Variants in RSPO2 observed in about 807,000 individuals in gnomAD.
RSPO2 encodes R-spondin 2.
In RSPO2, 14 loss-of-function variants were observed where a neutral mutation model predicts 30.9. That is an observed-to-expected ratio of 0.45 (90% CI 0.30 to 0.71). The LOEUF is 0.71. Ranked by LOEUF, RSPO2 falls within the 30% of genes least tolerant of loss-of-function variation. RSPO2 has a pLI of 0.08. For synonymous variants in RSPO2, 107 were observed against 96.4 expected, an observed-to-expected ratio of 1.11 and a Z score of -0.64; for missense variants, 264 against 301.9, an observed-to-expected ratio of 0.87 and a Z score of 0.93.
chr8:107,926,341 T>G (rs1053549368), intron 5 of RSPO2, among the ~76,000 whole-genome samples: 2 of 152,112 alleles, frequency 1.3e-5, no homozygotes, highest in African/African-American at 4.8e-5. Context: ...TTTTCTCCTA[T>G]TCTGTAGGTT....
At chr8:107,988,131 A>G (rs575397674) in intron 3 of RSPO2, among the ~76,000 whole-genome samples, 3 of 152,124 alleles carry the variant, frequency 2.0e-5, no homozygotes, top group Non-Finnish European at 2.9e-5. Flanking sequence ...CTCATTCTGT[A>G]AGTGATTTTT....
chr8:108,014,978 T>C (rs928467284), intron 2 of RSPO2, among the ~76,000 whole-genome samples: 1 of 151,730 alleles, frequency 6.6e-6, no homozygotes, highest in African/African-American at 2.4e-5. Context: ...CTGGAAAAAC[T>C]AAGGGCCATA....
At chr8:107,920,415 C>T (rs1812122183) in intron 5 of RSPO2, among the ~76,000 whole-genome samples, 1 of 151,986 alleles carries the variant, frequency 6.6e-6, no homozygotes, top group African/African-American at 2.4e-5. Flanking sequence ...ATAATGCCAA[C>T]TCCAAAAAAA....
chr8:108,001,077 A>T (rs932290561), intron 2 of RSPO2, among the ~76,000 whole-genome samples: 3 of 152,138 alleles, frequency 2.0e-5, no homozygotes, highest in Non-Finnish European at 4.4e-5. Flanking sequence ...CTGTAGTCCC[A>T]GCTACTCAGG....
chr8:107,958,832 A>G (rs1375965547), intron 4 of RSPO2, among the ~76,000 whole-genome samples: 1 of 152,230 alleles, frequency 6.6e-6, no homozygotes. Context: ...TTTGCTGAGC[A>G]TAATGGCTTC....
At chr8:108,051,602 T>C (rs557996287) in intron 2 of RSPO2, among the ~76,000 whole-genome samples, 2 of 152,304 alleles carry the variant, frequency 1.3e-5, no homozygotes, top group African/African-American at 2.4e-5. Flanking sequence ...TAAGACATTG[T>C]GAAAGGACAA....
intron 5 of RSPO2, among the ~76,000 whole-genome samples, chr8:107,906,727 T>C (rs978654209): frequency 6.6e-6 from 1 of 152,016 alleles, no homozygotes; most frequent in Non-Finnish European, 1.5e-5. Flanking sequence ...CTATGTCCTA[T>C]GTAGCCTAAG....
intron 2 of RSPO2, among the ~76,000 whole-genome samples, chr8:108,077,320 TGAA>T (rs1228101174): frequency 6.6e-6 from 1 of 151,842 alleles, no homozygotes; most frequent in Non-Finnish European, 1.5e-5. Flanking sequence ...GAAAGCAGTG[TGAA>T]GAAGGAGGGA....
chr8:108,002,820 A>C (rs1284836285), intron 2 of RSPO2, among the ~76,000 whole-genome samples: 1 of 152,214 alleles, frequency 6.6e-6, no homozygotes, highest in Non-Finnish European at 1.5e-5. Context: ...CTTGTTAACT[A>C]CACTATTTAG....
intron 3 of RSPO2, among the ~76,000 whole-genome samples, chr8:107,981,428 C>T (rs1442367744): frequency 1.3e-5 from 2 of 151,624 alleles, no homozygotes; most frequent in South Asian, 2.1e-4. Context: ...CACTGAGGCA[C>T]GAGAATTACT....
chr8:108,037,444 T>C (rs1462722930), intron 2 of RSPO2, among the ~76,000 whole-genome samples: 2 of 152,132 alleles, frequency 1.3e-5, no homozygotes, highest in Non-Finnish European at 2.9e-5. Context: ...GTTCATGAGG[T>C]TTAAGGAAAG....
At chr8:107,956,319 A>T (rs983097750) in intron 5 of RSPO2, among the ~76,000 whole-genome samples, 1 of 152,250 alleles carries the variant, frequency 6.6e-6, no homozygotes, top group Non-Finnish European at 1.5e-5. Flanking sequence ...TTAGAGCTAT[A>T]GCTAGTCTTT....
intron 2 of RSPO2, among the ~76,000 whole-genome samples, chr8:108,053,551 G>T (rs1412650950): frequency 6.6e-6 from 1 of 152,050 alleles, no homozygotes; most frequent in African/African-American, 2.4e-5. Context: ...AATAAAAGCA[G>T]ACATTACTTC....
chr8:108,004,700 T>C (rs1815391908), intron 2 of RSPO2, among the ~76,000 whole-genome samples: 1 of 152,236 alleles, frequency 6.6e-6, no homozygotes, highest in Admixed American at 6.5e-5. Flanking sequence ...GATATGTATA[T>C]AGACATGTAG....
chr8:108,058,918 C>T (rs1812353356), intron 2 of RSPO2, among the ~76,000 whole-genome samples: 1 of 151,586 alleles, frequency 6.6e-6, no homozygotes, highest in Admixed American at 6.6e-5. Flanking sequence ...TAGGCATTAC[C>T]ATTCAGGACA....
Position 108,019,414 on chromosome 8 carries a change from A to T in RSPO2, c.95-30170T>A, listed in dbSNP as rs1810990892. Among the ~76,000 whole-genome samples, 3 of 151,974 alleles carry T rather than the reference A, an allele frequency of 2.0e-5. No individual in the cohort carries two copies. In the South Asian group the frequency reaches 6.2e-4, roughly 32 times the overall value. ...AATTCACACATACACACACACACAC[A>T]ACCCATAAAACCCTTTCCCATTTCT... is the stretch of plus-strand genomic sequence containing the variant. On this transcript the variant is annotated intron_variant, in intron 2 of 5. Coordinates refer to ENST00000276659, the MANE Select transcript of RSPO2 (RefSeq NM_178565.5).
intron 2 of RSPO2, among the ~76,000 whole-genome samples, chr8:108,028,365 T>C (rs76130448): frequency 2.0e-3 from 307 of 152,340 alleles, no homozygotes; most frequent in African/African-American, 7.1e-3. Context: ...TTCTCTTTAC[T>C]GTAAATCCCA....
chr8:108,024,013 A>G (rs1033173494), intron 2 of RSPO2, among the ~76,000 whole-genome samples: 6 of 152,174 alleles, frequency 3.9e-5, no homozygotes, highest in African/African-American at 1.2e-4. Context: ...AACATGAATT[A>G]AATTACTAAA....
intron 2 of RSPO2, among the ~76,000 whole-genome samples, chr8:108,064,196 A>C (rs1419126429): frequency 6.6e-6 from 1 of 152,214 alleles, no homozygotes; most frequent in Non-Finnish European, 1.5e-5. Flanking sequence ...AATTAAACTA[A>C]AGAGCTTCTG....
Sources: gnomAD v4.1 joint callset for allele counts (sites outside exome capture counted in the v4.1 genomes callset) on GRCh38, gnomAD v4.1.1 for gene constraint, MANE v1.5 for transcripts, NCBI Gene and HGNC (gene_info 2026-07-23, HGNC 2026-07-21) for gene names.